Variants in ANKS1B observed in about 807,000 individuals in gnomAD.
The protein encoded by ANKS1B is ankyrin repeat and sterile alpha motif domain-containing protein 1B.
ANKS1B carries 36 observed loss-of-function variants against 148.3 expected under a neutral mutation model. The ratio of observed to expected loss-of-function variants is 0.24; its 90% CI spans 0.19 to 0.32. The LOEUF (loss-of-function observed/expected upper bound fraction) is 0.32, where lower values mean the gene tolerates loss of function less well. Ranked by LOEUF, ANKS1B falls within the 10% of genes least tolerant of loss-of-function variation. ANKS1B has a pLI of 1.00. For missense variants in ANKS1B, 1,157 were observed against 1,542.6 expected, an observed-to-expected ratio of 0.75 and a Z score of 4.19; for synonymous variants, 542 against 560.8, an observed-to-expected ratio of 0.97 and a Z score of 0.47.
At chr12:99,785,273 G>C (rs1400089358) in intron 4 of ANKS1B, among the ~76,000 whole-genome samples, 2 of 150,656 alleles carry the variant, frequency 1.3e-5, no homozygotes, top group African/African-American at 4.9e-5. Flanking sequence ...GTGTGTGTGT[G>C]TGTGTGTGTC....
At chr12:99,399,887 C>A in intron 11 of ANKS1B, 76 bp from the exon 12 acceptor site, 1 of 1,455,348 alleles carries the variant, frequency 6.9e-7, no homozygotes, top group Non-Finnish European at 9.5e-7. Flanking sequence ...TCAATTTAAT[C>A]TAAGTGATAA....
intron 4 of ANKS1B, among the ~76,000 whole-genome samples, chr12:99,784,616 A>G (rs1008839775): frequency 6.6e-6 from 1 of 152,198 alleles, no homozygotes; most frequent in Non-Finnish European, 1.5e-5. Flanking sequence ...TTCAGCATGA[A>G]TAAGAACCAT....
intron 21 of ANKS1B, among the ~76,000 whole-genome samples, chr12:98,799,690 T>C (rs2098983848): frequency 6.6e-6 from 1 of 152,140 alleles, no homozygotes; most frequent in Admixed American, 6.5e-5. Flanking sequence ...GACCCCATAC[T>C]GTATCATCCT....
chr12:99,508,351 C>G (rs1021467251), intron 9 of ANKS1B, among the ~76,000 whole-genome samples: 1 of 151,648 alleles, frequency 6.6e-6, no homozygotes, highest in Non-Finnish European at 1.5e-5. Flanking sequence ...CAAGAACAGA[C>G]AGCAGACGAG....
intron 6 of ANKS1B, among the ~76,000 whole-genome samples, chr12:99,777,188 A>G (rs1256083552): frequency 6.6e-6 from 1 of 152,228 alleles, no homozygotes; most frequent in Non-Finnish European, 1.5e-5. Context: ...TTATTCAAGA[A>G]CCTTTTTCTT....
At chr12:99,446,857 T>G in intron 10 of ANKS1B, among the ~76,000 whole-genome samples, 1 of 152,130 alleles carries the variant, frequency 6.6e-6, no homozygotes, top group East Asian at 1.9e-4. Flanking sequence ...TATTTAATAT[T>G]TGGAAGCTGG....
chr12:99,108,199 C>T (rs148060478), intron 15 of ANKS1B, among the ~76,000 whole-genome samples: 2 of 152,294 alleles, frequency 1.3e-5, no homozygotes, highest in African/African-American at 4.8e-5. Flanking sequence ...GAAAGAGGTA[C>T]AGAAGATTCA....
intron 1 of ANKS1B, among the ~76,000 whole-genome samples, chr12:99,920,373 C>A (rs998791814): frequency 6.6e-6 from 1 of 151,578 alleles, no homozygotes; most frequent in Non-Finnish European, 1.5e-5. Context: ...ACATTCAAGA[C>A]AAGTGAAGGT....
At chr12:99,353,882 G>A (rs1019037160) in intron 12 of ANKS1B, among the ~76,000 whole-genome samples, 11 of 151,948 alleles carry the variant, frequency 7.2e-5, no homozygotes, top group African/African-American at 1.9e-4. Context: ...ATCACTTTGA[G>A]CATTTATTTT....
chr12:99,347,566 G>C (rs1316478921), intron 12 of ANKS1B, among the ~76,000 whole-genome samples: 1 of 151,974 alleles, frequency 6.6e-6, no homozygotes, highest in Admixed American at 6.6e-5. Flanking sequence ...GTTTTATCCA[G>C]GCATTTAAGG....
intron 11 of ANKS1B, among the ~76,000 whole-genome samples, chr12:99,401,714 G>A (rs10860430): frequency 0.11 from 15,427 of 146,250 alleles, 2,526 homozygotes; most frequent in East Asian, 0.44. Context: ...TATAAACGAG[G>A]TGGGAGGATG....
chr12:99,596,592 T>C (rs1192057622), intron 9 of ANKS1B, among the ~76,000 whole-genome samples: 2 of 151,912 alleles, frequency 1.3e-5, no homozygotes, highest in Non-Finnish European at 2.9e-5. Context: ...ATTTTAATCT[T>C]TAAAGTATGT....
chr12:99,966,439 C>T (rs1281059349), intron 1 of ANKS1B, among the ~76,000 whole-genome samples: 2 of 152,070 alleles, frequency 1.3e-5, no homozygotes, highest in Non-Finnish European at 2.9e-5. Flanking sequence ...TGTAGTTCTA[C>T]CTCCAAACAT....
At chr12:99,330,960 A>C (rs1302087819) in intron 12 of ANKS1B, among the ~76,000 whole-genome samples, 4 of 151,988 alleles carry the variant, frequency 2.6e-5, no homozygotes, top group African/African-American at 7.2e-5. Flanking sequence ...TGTGTGACCA[A>C]ACAGACTTCA....
intron 8 of ANKS1B, among the ~76,000 whole-genome samples, chr12:99,701,740 T>A (rs1358881264): frequency 1.3e-5 from 2 of 152,104 alleles, no homozygotes; most frequent in Non-Finnish European, 2.9e-5. Flanking sequence ...TCTGTCCCCA[T>A]AAGTTCAATT....
chr12:99,961,864 A>G lies in ANKS1B; in HGVS notation c.134+22240T>C, dbSNP rs1160588787. 2.6e-5 allele frequency among the ~76,000 whole-genome samples: 4 copies of G among 152,204 alleles called. No homozygotes were observed. The East Asian group carries it at 7.7e-4, about 29-fold the overall frequency. On this transcript the variant is annotated intron_variant, in intron 1 of 26. Coordinates refer to ENST00000683438, the MANE Select transcript of ANKS1B (RefSeq NM_001352186.2). ...AATGTCACAAAATACAAAGTTTACG[A>G]AGCATTTCTATGGACACCCAAGGAC...
chr12:99,644,121 T>A (rs1425689031), intron 9 of ANKS1B, among the ~76,000 whole-genome samples: 1 of 152,146 alleles, frequency 6.6e-6, no homozygotes, highest in Non-Finnish European at 1.5e-5. Context: ...TATCTAGAAA[T>A]CTACTCAGCA....
intron 14 of ANKS1B, among the ~76,000 whole-genome samples, chr12:99,174,675 TGGA>T (rs2078167696): frequency 6.6e-6 from 1 of 152,084 alleles, no homozygotes; most frequent in Non-Finnish European, 1.5e-5. Context: ...AGTAGAAAAA[TGGA>T]AAGAGGCTGG....
At chr12:99,928,906 T>A (rs2094542825) in intron 1 of ANKS1B, among the ~76,000 whole-genome samples, 1 of 152,090 alleles carries the variant, frequency 6.6e-6, no homozygotes, top group South Asian at 2.1e-4. Flanking sequence ...TTGGAAGTGA[T>A]CAACAGACTC....
Sources: allele counts gnomAD v4.1 joint callset (sites outside exome capture counted in the v4.1 genomes callset), GRCh38; gene constraint gnomAD v4.1.1; transcripts MANE v1.5; gene names NCBI Gene and HGNC (gene_info 2026-07-23, HGNC 2026-07-21).